Variants in AP4E1 observed in about 807,000 individuals in gnomAD.
The protein encoded by AP4E1 is AP-4 complex subunit epsilon-1.
AP4E1 carries 56 observed loss-of-function variants against 128.2 expected under a neutral mutation model. The observed-to-expected ratio is 0.44, with a 90% CI of 0.35 to 0.55. The LOEUF (loss-of-function observed/expected upper bound fraction) is 0.55, where lower values mean the gene tolerates loss of function less well. AP4E1 is among the 20% of genes least tolerant of loss of function. The pLI is 0.00. For synonymous variants in AP4E1, 484 were observed against 473.1 expected (o/e 1.02, Z -0.30); for missense variants, 1,324 against 1,307.7 (o/e 1.01, Z -0.19).
intron 5 of AP4E1, 92 bp from the exon 6 acceptor site, chr15:50,928,917 C>A (rs183809320): frequency 1.7e-6 from 2 of 1,174,820 alleles, no homozygotes; most frequent in East Asian, 2.5e-5. Flanking sequence ...AGGTAATGAG[C>A]CAGTATTTTG....
intron 15 of AP4E1, among the ~76,000 whole-genome samples, chr15:50,980,507 A>G (rs2064629273): frequency 6.6e-6 from 1 of 152,184 alleles, no homozygotes; most frequent in Non-Finnish European, 1.5e-5. Flanking sequence ...CCATGTGAAG[A>G]ATGAGAAAAT....
chr15:50,951,997 G>A (rs1046198342), intron 13 of AP4E1, among the ~76,000 whole-genome samples: 3 of 152,040 alleles, frequency 2.0e-5, no homozygotes, highest in Non-Finnish European at 4.4e-5. Flanking sequence ...AAAGTGCTGG[G>A]ATTACAGGTG....
chr15:50,986,418 C>T (rs1411025608), intron 16 of AP4E1, among the ~76,000 whole-genome samples: 1 of 152,118 alleles, frequency 6.6e-6, no homozygotes, highest in Non-Finnish European at 1.5e-5. Context: ...AGTTTTTGCC[C>T]ATTCAGTATG....
intron 16 of AP4E1, among the ~76,000 whole-genome samples, chr15:50,992,514 T>TTA (rs2064820014): frequency 6.6e-6 from 1 of 152,204 alleles, no homozygotes. Flanking sequence ...AGCCCGCACT[T>TTA]ATTAGTCACT....
At chr15:50,955,110 G>C (rs757036688) in intron 13 of AP4E1, among the ~76,000 whole-genome samples, 2 of 152,140 alleles carry the variant, frequency 1.3e-5, no homozygotes, top group African/African-American at 2.4e-5. Context: ...CATTTGGGTT[G>C]GTTCCAAGTC....
chr15:50,941,538 C>T lies in AP4E1; in HGVS notation c.1040C>T (p.Ser347Leu), dbSNP rs1181544309. ...AAKCIGKFVL[S>L]PKINLKYLGL... ...AAGTGCATTGGAAAATTTGTTCTGT[C>T]ACCTAAAATAAATCTAAAATATTTA... The change falls in exon 9 of 21, where the codon TCA (serine) becomes TTA (leucine). Residue 347 changes from serine (S) to leucine (L), a missense_variant. Transcript: ENST00000261842. 3 of 1,612,850 alleles carry T rather than the reference C, an allele frequency of 1.9e-6. No individual in the cohort carries two copies. In the African/African-American group the frequency reaches 4.0e-5, roughly 22 times the overall value.
Position 50,930,794 on chromosome 15 carries a change from G to C in AP4E1, c.703-11G>C, listed in dbSNP as rs759010603. On this transcript the variant is annotated splice_polypyrimidine_tract_variant and intron_variant, in intron 6 of 20. Transcript: ENST00000261842. ...CGTTATTAACAAAGTTTTTTTTGCGGGGGGATGTAGGAGAATTCATCTGGA... is the reference window on the plus strand; with the variant it reads ...CGTTATTAACAAAGTTTTTTTTGCGCGGGGATGTAGGAGAATTCATCTGGA... 8.7e-6 allele frequency: 14 copies of C among 1,612,258 alleles called. No homozygotes were observed. The highest frequency in any genetic ancestry group is 1.2e-5 in the Non-Finnish European group (14 of 1,179,484).
chr15:50,924,135 A>G (rs2063741023), intron 4 of AP4E1, 131 bp downstream of exon 4: 3 of 709,670 alleles, frequency 4.2e-6, no homozygotes, highest in Non-Finnish European at 7.3e-6. Flanking sequence ...AGAATCTTTT[A>G]GATCAGTTTC....
chr15:50,968,112 G>C lies in AP4E1; in HGVS notation c.1852-151G>C. 3 of 593,904 alleles carry C rather than the reference G, an allele frequency of 5.1e-6. No individual in the cohort carries two copies. The South Asian group carries it at 6.2e-5, about 12-fold the overall frequency. 36.8% of individuals were successfully genotyped at this position (593,904 alleles called of 1,614,324 possible). ...TGGGATTACAGTCATGAGCCACCAT[G>C]CCTGGCTGTGGTAGCATTTTTAGAA... On this transcript the variant is annotated intron_variant, in intron 14 of 20. Coordinates refer to ENST00000261842, the MANE Select transcript of AP4E1 (RefSeq NM_007347.5).
intron 7 of AP4E1, among the ~76,000 whole-genome samples, chr15:50,933,323 G>A (rs2141162116): frequency 6.6e-6 from 1 of 152,206 alleles, no homozygotes; most frequent in Non-Finnish European, 1.5e-5. Flanking sequence ...AAAGTAAAAA[G>A]TTATAACCGG....
chr15:50,950,455 T>A (rs1455032153), intron 13 of AP4E1, among the ~76,000 whole-genome samples: 1 of 152,204 alleles, frequency 6.6e-6, no homozygotes. Context: ...TACTCATTTA[T>A]CTCTACTATA....
intron 15 of AP4E1, among the ~76,000 whole-genome samples, chr15:50,971,697 T>C (rs2064481759): frequency 6.6e-6 from 1 of 152,100 alleles, no homozygotes. Flanking sequence ...TCTTCAACTT[T>C]AGAAATTATT....
chr15:50,986,692 C>G lies in AP4E1; in HGVS notation c.2090+2547C>G, dbSNP rs2064728927. Among the ~76,000 whole-genome samples, 5 of 152,160 alleles carry G rather than the reference C, an allele frequency of 3.3e-5. No individual in the cohort carries two copies. In the South Asian group the frequency reaches 1.0e-3, roughly 32 times the overall value. On this transcript the variant is annotated intron_variant, in intron 16 of 20. Transcript: ENST00000261842. Reference sequence around the variant, plus strand: ...CATGGTGGATAATCTTTTTGATGTGCTGCTGGATTTGGTTTGCCAGTATTT... The same window carrying G: ...CATGGTGGATAATCTTTTTGATGTGGTGCTGGATTTGGTTTGCCAGTATTT...
At chr15:50,952,999 C>T (rs1366655057) in intron 13 of AP4E1, among the ~76,000 whole-genome samples, 2 of 152,018 alleles carry the variant, frequency 1.3e-5, no homozygotes, top group Admixed American at 1.3e-4. Flanking sequence ...GGGAGGATTG[C>T]TTGAAGCCAG....
intron 14 of AP4E1, among the ~76,000 whole-genome samples, chr15:50,963,648 C>G (rs933760844): frequency 4.6e-5 from 7 of 152,050 alleles, no homozygotes; most frequent in African/African-American, 1.7e-4. Context: ...TTTGATGGCA[C>G]AGTAGGGTGA....
intron 19 of AP4E1, among the ~76,000 whole-genome samples, chr15:51,000,071 A>C (rs1292748140): frequency 6.6e-6 from 1 of 151,004 alleles, no homozygotes; most frequent in Non-Finnish European, 1.5e-5. Context: ...ACCGATGAAT[A>C]TCTCTATATA....
At chr15:50,954,869 A>G (rs1021567463) in intron 13 of AP4E1, among the ~76,000 whole-genome samples, 1 of 152,038 alleles carries the variant, frequency 6.6e-6, no homozygotes, top group African/African-American at 2.4e-5. Context: ...AACAGGCCCC[A>G]GTGTGTGATA....
intron 13 of AP4E1, among the ~76,000 whole-genome samples, chr15:50,950,844 C>A (rs1196891973): frequency 2.0e-5 from 3 of 152,136 alleles, no homozygotes; most frequent in Non-Finnish European, 4.4e-5. Flanking sequence ...TTGTTCAGCT[C>A]CCACTTATAA....
rs2064977356 is a variant in AP4E1 at position 51,002,550 on chromosome 15, T to G, written c.3302T>G (p.Leu1101Ter). ...ACQLLPSIPC[L>*]LHCRVHADVL... ...CAGCTGCTCCCATCCATCCCCTGCTTACTGCATTGCCGAGTTCATGCAGAT... is the reference window on the plus strand; with the variant it reads ...CAGCTGCTCCCATCCATCCCCTGCTGACTGCATTGCCGAGTTCATGCAGAT... Residue 1101 changes from leucine (L) to a stop codon, truncating the protein, a stop_gained, in exon 21 of 21, where the codon TTA becomes TGA. Coordinates refer to ENST00000261842, the MANE Select transcript of AP4E1 (RefSeq NM_007347.5). LOFTEE classifies it high-confidence loss of function. 6.2e-7 allele frequency: 1 copy of G among 1,614,110 alleles called. No individual in the cohort carries two copies. The highest frequency in any genetic ancestry group is 1.7e-5 in the Admixed American group (1 of 60,004).
Sources: allele counts gnomAD v4.1 joint callset (sites outside exome capture counted in the v4.1 genomes callset), GRCh38; gene constraint gnomAD v4.1.1; transcripts MANE v1.5; gene names NCBI Gene and HGNC (gene_info 2026-07-23, HGNC 2026-07-21).